DIP2C: variants seen among roughly 807,000 people sequenced by gnomAD.
The protein encoded by DIP2C is DIP2 acetate--CoA ligase C (putative).
Under a neutral mutation model 192.4 loss-of-function variants are expected in DIP2C, and 33 were observed. The observed-to-expected ratio is 0.17, with a 90% confidence interval of 0.13 to 0.23. The LOEUF (loss-of-function observed/expected upper bound fraction) is 0.23, where lower values mean the gene tolerates loss of function less well. Among genes scored for constraint, DIP2C ranks in the 10% least tolerant of loss-of-function variants. DIP2C has a pLI of 1.00. For synonymous variants in DIP2C, 979 were observed against 864.1 expected (o/e 1.13, Z -2.33); for missense variants, 1,537 against 2,110.1 (o/e 0.73, Z 5.32).
chr10:321,578 TGCGGGGCTCCAGC>T (rs1957021798), intron 31 of DIP2C, among the ~76,000 whole-genome samples: 1 of 133,226 alleles, frequency 7.5e-6, no homozygotes, highest in Admixed American at 7.4e-5. Context: ...CAGTCGGGGG[TGCGGGGCTCCAGC>T]GAGAGACCGG....
intron 1 of DIP2C, among the ~76,000 whole-genome samples, chr10:672,517 A>T (rs575361089): frequency 2.7e-4 from 41 of 152,352 alleles, no homozygotes; most frequent in Middle Eastern, 3.4e-3. Flanking sequence ...ACATCCATCA[A>T]ATGCGGCTGC....
chr10:578,980 T>C (rs1588504931), intron 1 of DIP2C, among the ~76,000 whole-genome samples: 1 of 152,188 alleles, frequency 6.6e-6, no homozygotes, highest in East Asian at 1.9e-4. Context: ...ATCCATGTAG[T>C]GTACATATGT....
At chr10:281,093 C>G in intron 36 of DIP2C, 107 bp downstream of exon 36, 1 of 1,493,470 alleles carries the variant, frequency 6.7e-7, no homozygotes, top group Non-Finnish European at 9.1e-7. Context: ...ATCGCACCCC[C>G]TTCCCTACCT....
chr10:504,908 A>T (rs1218872148), intron 1 of DIP2C, among the ~76,000 whole-genome samples: 3 of 152,126 alleles, frequency 2.0e-5, no homozygotes, highest in Admixed American at 6.5e-5. Flanking sequence ...TGAGCTCTTC[A>T]ATCTCCATTT....
rs1187747480 is a variant in DIP2C at position 679,141 on chromosome 10, C to CCGCGCCCA, written c.85+10352_85+10353insTGGGCGCG. On this transcript the variant is annotated intron_variant, in intron 1 of 36. Coordinates refer to ENST00000280886, the MANE Select transcript of DIP2C (RefSeq NM_014974.3). ...CCCATGCTCCCCGCACCCATCCTCC[C>CCGCGCCCA]TGCGCCCATGCTCCCCGCATCCGTC... Among the ~76,000 whole-genome samples the CCGCGCCCA allele has an allele frequency of 1.8e-3, 16 of 8,768 alleles. 8 individuals carry two copies. Among genetic ancestry groups the CCGCGCCCA allele is most frequent in the Admixed American group, 0.012 (6 of 500 alleles). The allele number at this position is 8,768 out of a possible 152,430, so 5.8% of individuals were successfully genotyped here. A position where few individuals can be genotyped will look rare whatever the true frequency, so the allele number is the denominator to read the frequency against.
chr10:591,218 C>T (rs749025966), intron 1 of DIP2C, among the ~76,000 whole-genome samples: 12 of 152,142 alleles, frequency 7.9e-5, no homozygotes, highest in South Asian at 4.2e-4. Flanking sequence ...TGCACCTTCC[C>T]GGTACAAGTG....
At chr10:415,909 G>T (rs777086897) in intron 6 of DIP2C, 21 bp from the exon 7 acceptor site, 22 of 1,613,294 alleles carry the variant, frequency 1.4e-5, no homozygotes, top group Non-Finnish European at 4.2e-6. Context: ...GGAATCAGCG[G>T]GTGGGGAAAG....
chr10:452,986 G>A (rs949366312), intron 3 of DIP2C, among the ~76,000 whole-genome samples: 12 of 152,330 alleles, frequency 7.9e-5, no homozygotes, highest in Middle Eastern at 3.4e-3. Context: ...GTGCTGGAAA[G>A]GGTATGAGCT....
rs763869788 is a variant in DIP2C at position 382,608 on chromosome 10, G to GTC, written c.1991+37_1991+38dup. On this transcript the variant is annotated intron_variant, in intron 17 of 36. Coordinates refer to ENST00000280886, the MANE Select transcript of DIP2C (RefSeq NM_014974.3). Reference sequence around the variant, plus strand: ...CTCCCTTCGCTGCTGAATTAGGACTGTCTCTAGGTTATCTACGTAAATCAA... The same window carrying GTC: ...CTCCCTTCGCTGCTGAATTAGGACTGTCTCTCTAGGTTATCTACGTAAATCAA... 3 of 1,511,934 alleles carry GTC rather than the reference G, an allele frequency of 2.0e-6. No homozygotes were observed. The South Asian group carries it at 3.5e-5, about 17-fold the overall frequency. 93.7% of individuals were successfully genotyped at this position (1,511,934 alleles called of 1,614,324 possible).
At chr10:283,576 AGAT>A (rs1452612376) in intron 34 of DIP2C, 130 bp from the exon 35 acceptor site, 1 of 1,135,244 alleles carries the variant, frequency 8.8e-7, no homozygotes, top group Admixed American at 2.4e-5. Context: ...TGAATAACCA[AGAT>A]GATGTTAATC....
At chr10:289,142 G>A (rs1955332173) in intron 32 of DIP2C, among the ~76,000 whole-genome samples, 1 of 152,162 alleles carries the variant, frequency 6.6e-6, no homozygotes. Context: ...ACAAAATAAA[G>A]CAAAGGAGAA....
chr10:294,961 A>G (rs1215343853), intron 32 of DIP2C, among the ~76,000 whole-genome samples: 4 of 152,196 alleles, frequency 2.6e-5, no homozygotes, highest in Admixed American at 6.5e-5. Context: ...AAACAACTCA[A>G]CAGCAAAGAA....
At chr10:570,273 G>A (rs1255672602) in intron 1 of DIP2C, among the ~76,000 whole-genome samples, 1 of 152,150 alleles carries the variant, frequency 6.6e-6, no homozygotes, top group African/African-American at 2.4e-5. Flanking sequence ...GTGTCACAAG[G>A]TGGATTTTGT....
chr10:645,563 G>A (rs990349630), intron 1 of DIP2C, among the ~76,000 whole-genome samples: 7 of 152,150 alleles, frequency 4.6e-5, no homozygotes, highest in Non-Finnish European at 8.8e-5. Flanking sequence ...AAACATTGAT[G>A]ACTTGATGGT....
At chr10:530,890 TCAGA>T (rs1847326010) in intron 1 of DIP2C, among the ~76,000 whole-genome samples, 1 of 151,994 alleles carries the variant, frequency 6.6e-6, no homozygotes, top group South Asian at 2.1e-4. Context: ...TCCTCCACAG[TCAGA>T]CAGCAGCCTG....
In DIP2C at chr10:329,577, G is replaced by T; in HGVS notation, c.3609C>A (p.Ile1203=). 1 of 1,614,160 alleles carries T rather than the reference G, an allele frequency of 6.2e-7. No homozygotes were observed. The highest frequency in any genetic ancestry group is 1.7e-5 in the Admixed American group (1 of 60,012). Residue 1203 remains isoleucine (I), a synonymous_variant, in exon 30 of 37, where the codon ATC becomes ATA. Transcript: ENST00000280886. ...TTTCCAGCTCAGAGGGCGGGATCAG[G>T]ATGGACTGGTGCCCAGAATACACAC... ...LCSVYSGHQS[I]LIPPSELETN...
chr10:483,134 C>T (rs149418521), intron 2 of DIP2C, among the ~76,000 whole-genome samples: 1 of 152,186 alleles, frequency 6.6e-6, no homozygotes, highest in African/African-American at 2.4e-5. Flanking sequence ...GGGAACAGAA[C>T]CCCCATTGTA....
chr10:648,939 C>G (rs1304179982), intron 1 of DIP2C, among the ~76,000 whole-genome samples: 2 of 149,248 alleles, frequency 1.3e-5, no homozygotes, highest in African/African-American at 4.9e-5. Context: ...TGGGAGAGAA[C>G]AGAGGCAAAC....
intron 17 of DIP2C, among the ~76,000 whole-genome samples, chr10:371,814 C>T (rs1019564653): frequency 6.6e-6 from 1 of 152,258 alleles, no homozygotes. Flanking sequence ...TCTCCAACTC[C>T]AGCCTCCAGA....
Sources: allele counts gnomAD v4.1 joint callset (sites outside exome capture counted in the v4.1 genomes callset), GRCh38; gene constraint gnomAD v4.1.1; transcripts MANE v1.5; gene names NCBI Gene and HGNC (gene_info 2026-07-23, HGNC 2026-07-21).